LEMD1: variants seen among roughly 807,000 people sequenced by gnomAD.
The protein encoded by LEMD1 is LEM domain-containing protein 1.
In LEMD1, 18 loss-of-function variants were observed where a neutral mutation model predicts 17.4. The ratio of observed to expected loss-of-function variants is 1.04; its 90% CI spans 0.72 to 1.54. The LOEUF is 1.54. Among genes scored for constraint, LEMD1 ranks in the 40% most tolerant of loss-of-function variants. The pLI, the probability that LEMD1 is intolerant of heterozygous loss-of-function variation, is 0.00. For missense variants in LEMD1, 195 were observed against 210.4 expected, an observed-to-expected ratio of 0.93 and a Z score of 0.45; for synonymous variants, 88 against 77.8, an observed-to-expected ratio of 1.13 and a Z score of -0.69.
intron 4 of LEMD1, among the ~76,000 whole-genome samples, chr1:205,413,457 T>C (rs1440940465): frequency 2.0e-5 from 3 of 151,610 alleles, no homozygotes; most frequent in East Asian, 3.9e-4. Flanking sequence ...TACAGTTAAT[T>C]TTTACAATTT....
chr1:205,386,969 A>G (rs752399541), intron 4 of LEMD1: 1 of 152,212 alleles, frequency 6.6e-6, no homozygotes, highest in Non-Finnish European at 1.5e-5. Flanking sequence ...GAACCTCTAC[A>G]TATCCATCAC....
chr1:205,420,656 T>C (rs2102442284), intron 1 of LEMD1, 82 bp from the exon 2 acceptor site: 5 of 754,886 alleles, frequency 6.6e-6, no homozygotes, highest in South Asian at 1.6e-5. Context: ...TAAGTGTTTA[T>C]AATCCTATCT....
chr1:205,403,532 G>T (rs974243407), intron 4 of LEMD1, among the ~76,000 whole-genome samples: 3 of 152,024 alleles, frequency 2.0e-5, no homozygotes, highest in African/African-American at 7.3e-5. Context: ...GTATTTCTGT[G>T]GGATCGGTGG....
intron 1 of LEMD1, among the ~76,000 whole-genome samples, chr1:205,442,981 T>C (rs1320920955): frequency 6.6e-6 from 1 of 152,106 alleles, no homozygotes; most frequent in Non-Finnish European, 1.5e-5. Context: ...TACCAGGAGA[T>C]TAGGCAAGAT....
chr1:205,419,119 A>G (rs569599212), intron 3 of LEMD1, 111 bp downstream of exon 3: 94 of 1,266,692 alleles, frequency 7.4e-5, no homozygotes, highest in African/African-American at 5.6e-4. Context: ...AAGAGGCCCT[A>G]TGGCTATTTC....
intron 4 of LEMD1, among the ~76,000 whole-genome samples, chr1:205,406,110 C>G (rs928254769): frequency 4.6e-5 from 7 of 152,194 alleles, no homozygotes; most frequent in Non-Finnish European, 7.3e-5. Context: ...TCAGTCTGCC[C>G]CTACTGGGGG....
At chr1:205,420,969 G>A (rs1218746036) in intron 1 of LEMD1, among the ~76,000 whole-genome samples, 1 of 145,094 alleles carries the variant, frequency 6.9e-6, no homozygotes, top group African/African-American at 2.5e-5. Context: ...TTTTTTTAGT[G>A]AGTTAAATAA....
intron 3 of LEMD1, 39 bp from the exon 4 acceptor site, chr1:205,416,335 ACATTTGAG>A: frequency 7.3e-7 from 1 of 1,372,618 alleles, no homozygotes; most frequent in South Asian, 1.3e-5. Context: ...GGCCATGAGA[ACATTTGAG>A]CTAGCAAAGG....
chr1:205,416,190 A>C (rs1574988850), intron 4 of LEMD1, 42 bp downstream of exon 4: 1 of 1,304,392 alleles, frequency 7.7e-7, no homozygotes, highest in Non-Finnish European at 1.1e-6. Context: ...CCCTGTTTTT[A>C]ATATATGGGT....
rs761381410 is a variant in LEMD1 at position 205,419,316 on chromosome 1, T to C, written c.119A>G (p.Gln40Arg). The C allele has an allele frequency of 1.2e-6, 2 of 1,614,202 alleles. No homozygotes were observed. The highest frequency in any genetic ancestry group is 2.2e-5 in the South Asian group (2 of 91,082). ...TGCACAGGGAGGTGAGACCAACAAC[T>C]GTACTAACTTTTTTTCATACAACTT... is the stretch of plus-strand genomic sequence containing the variant. ...TRKLYEKKLV[Q>R]LLVSPPCAPP... Residue 40 changes from glutamine to arginine, a missense_variant, in exon 3 of 6, where the codon CAG becomes CGG. Coordinates refer to ENST00000367153, the MANE Select transcript of LEMD1 (RefSeq NM_001199050.2).
chr1:205,422,410 C>T (rs1288862284), upstream of LEMD1, among the ~76,000 whole-genome samples: 1 of 152,112 alleles, frequency 6.6e-6, no homozygotes, highest in East Asian at 1.9e-4. Context: ...ACCATCTACT[C>T]CAGGGAAAAT....
At chr1:205,422,531 T>C (rs1159009218), upstream of LEMD1, among the ~76,000 whole-genome samples, 1 of 152,152 alleles carries the variant, frequency 6.6e-6, no homozygotes. Context: ...GTTTGATGGA[T>C]TTGGCCTTTT....
chr1:205,424,646 T>C (rs759238112), upstream of LEMD1, among the ~76,000 whole-genome samples: 29 of 152,196 alleles, frequency 1.9e-4, no homozygotes, highest in African/African-American at 6.3e-4. Flanking sequence ...CAAAGGTACA[T>C]TGAAGCTGAG....
At chr1:205,417,832 TA>T (rs35330399) in intron 3 of LEMD1, among the ~76,000 whole-genome samples, 101,640 of 144,036 alleles carry the variant, frequency 0.71, 36,613 homozygotes, top group East Asian at 0.9. Flanking sequence ...TCAGACATGG[TA>T]AAAAAAAAAA....
chr1:205,433,785 A>G (rs1163221363), intron 1 of LEMD1, among the ~76,000 whole-genome samples: 2 of 152,200 alleles, frequency 1.3e-5, no homozygotes, highest in African/African-American at 2.4e-5. Flanking sequence ...CTGAGCCTGC[A>G]GAAGAGGCAG....
chr1:205,444,518 T>G (rs1273704419), intron 1 of LEMD1, among the ~76,000 whole-genome samples: 2 of 152,030 alleles, frequency 1.3e-5, no homozygotes, highest in East Asian at 3.9e-4. Flanking sequence ...TGCCAGATAC[T>G]CTCCTGGGGT....
At chr1:205,423,655 A>G (rs1666017805), upstream of LEMD1, among the ~76,000 whole-genome samples, 1 of 152,134 alleles carries the variant, frequency 6.6e-6, no homozygotes, top group African/African-American at 2.4e-5. Flanking sequence ...CATAGTTATG[A>G]TTCTATTGTC....
At chr1:205,398,774 G>T (rs373693634) in intron 4 of LEMD1, among the ~76,000 whole-genome samples, 1 of 152,192 alleles carries the variant, frequency 6.6e-6, no homozygotes, top group African/African-American at 2.4e-5. Context: ...GGGCAAGGAA[G>T]AGGGACAGTG....
chr1:205,381,922 G>C, intron 5 of LEMD1, 66 bp from the exon 6 acceptor site: 11 of 1,522,736 alleles, frequency 7.2e-6, no homozygotes, highest in East Asian at 4.5e-5. Context: ...GCCCCTTAAA[G>C]TGTGTGGGTC....
Sources: gnomAD v4.1 joint callset for allele counts (sites outside exome capture counted in the v4.1 genomes callset) on GRCh38, gnomAD v4.1.1 for gene constraint, MANE v1.5 for transcripts, NCBI Gene and HGNC (gene_info 2026-07-23, HGNC 2026-07-21) for gene names.